The following PNLIP variants were observed in gnomAD, a reference collection of about 807,000 sequenced individuals.
PNLIP encodes pancreatic triacylglycerol lipase.
PNLIP carries 49 observed loss-of-function variants against 57.1 expected under a neutral mutation model. The ratio of observed to expected loss-of-function variants is 0.86; its 90% CI spans 0.68 to 1.09. The LOEUF is 1.09. Among genes scored for constraint, PNLIP ranks in the 50% least tolerant of loss-of-function variants. PNLIP has a pLI of 0.00. For missense variants in PNLIP, 503 were observed against 570.2 expected, an observed-to-expected ratio of 0.88 and a Z score of 1.20; for synonymous variants, 209 against 200.4, an observed-to-expected ratio of 1.04 and a Z score of -0.36.
chr10:116,560,549 G>GC (rs754259158), intron 11 of PNLIP, 25 bp downstream of exon 11: 2 of 766,196 alleles, frequency 2.6e-6, no homozygotes, highest in Non-Finnish European at 4.0e-6. Context: ...ATTGCTCTAT[G>GC]CTTTTTTTTT....
chr10:116,551,290 C>CAAAAAAAAA (rs5788172), intron 5 of PNLIP, 58 bp downstream of exon 5: 1 of 516,752 alleles, frequency 1.9e-6, no homozygotes, highest in African/African-American at 2.6e-5. Context: ...ATTATCTTTC[C>CAAAAAAAAA]AAAAAAAAAA....
intron 4 of PNLIP, among the ~76,000 whole-genome samples, chr10:116,550,013 T>C (rs1203614879): frequency 6.6e-6 from 1 of 151,902 alleles, no homozygotes; most frequent in East Asian, 1.9e-4. Context: ...AATGGAAAAG[T>C]TGCAGATGAT....
intron 10 of PNLIP, among the ~76,000 whole-genome samples, chr10:116,560,145 GT>G (rs992106266): frequency 1.6e-4 from 24 of 151,306 alleles, no homozygotes; most frequent in Admixed American, 1.2e-3. Context: ...AAAACTAAAT[GT>G]ATTCCTTAGT....
At chr10:116,555,849 A>T (rs544780587) in intron 8 of PNLIP, 151 bp from the exon 9 acceptor site, 2 of 633,198 alleles carry the variant, frequency 3.2e-6, no homozygotes, top group Non-Finnish European at 5.6e-6. Flanking sequence ...TACATCACAA[A>T]TCATAAATAT....
chr10:116,560,312 TATAA>T (rs1847300600), intron 10 of PNLIP, 100 bp from the exon 11 acceptor site: 4 of 602,520 alleles, frequency 6.6e-6, no homozygotes, highest in Admixed American at 5.9e-5. Flanking sequence ...CACACACAAT[TATAA>T]ATAAATTATT....
At chr10:116,554,231 T>A (rs1847226929) in intron 6 of PNLIP, among the ~76,000 whole-genome samples, 1 of 152,156 alleles carries the variant, frequency 6.6e-6, no homozygotes, top group Non-Finnish European at 1.5e-5. Flanking sequence ...ATTTCCCCAT[T>A]GACCGACATT....
chr10:116,560,550 CTTTTTTTTT>C, intron 11 of PNLIP, 26 bp downstream of exon 11: 1 of 504,188 alleles, frequency 2.0e-6, no homozygotes, highest in Non-Finnish European at 3.2e-6. Context: ...TTGCTCTATG[CTTTTTTTTT>C]TTTTTTTTTT....
intron 5 of PNLIP, among the ~76,000 whole-genome samples, chr10:116,552,275 G>C (rs1220705520): frequency 6.6e-6 from 1 of 152,172 alleles, no homozygotes; most frequent in African/African-American, 2.4e-5. Context: ...GCCTCAGGCA[G>C]ATCCTTCAGG....
In PNLIP at chr10:116,556,062, G is replaced by A. The variant is rs771758829; in HGVS notation, c.874G>A (p.Val292Ile). ...CTACAAATATTACACTGATAGCATCGTCAACCCTGATGGCTTTGCTGGATT... is the reference window on the plus strand; with the variant it reads ...CTACAAATATTACACTGATAGCATCATCAACCCTGATGGCTTTGCTGGATT... Reference protein sequence around the residue: ...RSYKYYTDSIVNPDGFAGFPC... With the variant: ...RSYKYYTDSIINPDGFAGFPC... Residue 292 changes from valine to isoleucine, a missense_variant, in exon 9 of 13, where the codon GTC (valine) becomes ATC (isoleucine). Physicochemically the swap from Val to Ile is conservative, Grantham distance 29. Transcript: ENST00000369221. The A allele has an allele frequency of 3.1e-6, 5 of 1,613,790 alleles. No individual in the cohort carries two copies. Among genetic ancestry groups the A allele is most frequent in the East Asian group, 2.2e-5 (1 of 44,868 alleles).
rs565439191 is a variant in PNLIP, at chr10:116,553,732, G to A, written c.465G>A (p.Ala155=). The A allele has an allele frequency of 5.0e-5, 80 of 1,607,012 alleles. No homozygotes were observed. Among genetic ancestry groups the A allele is most frequent in the Non-Finnish European group, 5.1e-5 (60 of 1,173,814 alleles). Residue 155 remains alanine (A), a synonymous_variant, in exon 6 of 13, where the codon GCG becomes GCA. Coordinates refer to ENST00000369221, the MANE Select transcript of PNLIP (RefSeq NM_000936.4). ...VAYFVEFLQS[A]FGYSPSNVHV... is the part of the protein sequence containing the mutation. ...AAAGGTTTTCTTTCCGACAGTCGGC[G>A]TTCGGTTACTCACCTTCCAATGTGC...
chr10:116,555,054 C>G, intron 6 of PNLIP, 124 bp from the exon 7 acceptor site: 1 of 1,074,616 alleles, frequency 9.3e-7, no homozygotes, highest in East Asian at 2.4e-5. Flanking sequence ...AAGTAGATTC[C>G]TCTTCAGCAA....
chr10:116,561,892 G>A (rs148813075), intron 12 of PNLIP, among the ~76,000 whole-genome samples: 233 of 152,342 alleles, frequency 1.5e-3, no homozygotes, highest in African/African-American at 4.6e-3. Flanking sequence ...ATGATTCTAA[G>A]GTGAGAGGAA....
chr10:116,547,253 G>C, intron 2 of PNLIP, 41 bp from the exon 3 acceptor site: 1 of 1,597,754 alleles, frequency 6.3e-7, no homozygotes, highest in Non-Finnish European at 8.6e-7. Context: ...TCATTAAAAA[G>C]AGCATGTTTG....
At chr10:116,547,652 G>A (rs1847143756) in intron 3 of PNLIP, among the ~76,000 whole-genome samples, 1 of 150,818 alleles carries the variant, frequency 6.6e-6, no homozygotes, top group African/African-American at 2.4e-5. Context: ...CGTGAACCCG[G>A]GAGGCAGAGC....
intron 12 of PNLIP, among the ~76,000 whole-genome samples, chr10:116,567,330 A>G (rs1282153494): frequency 6.6e-6 from 1 of 152,042 alleles, no homozygotes; most frequent in East Asian, 1.9e-4. Context: ...TTGTCATTTC[A>G]GTTCAAATAT....
At chr10:116,558,442 C>T (rs1847278059) in intron 9 of PNLIP, among the ~76,000 whole-genome samples, 1 of 151,854 alleles carries the variant, frequency 6.6e-6, no homozygotes, top group Non-Finnish European at 1.5e-5. Flanking sequence ...GATCCTCCAG[C>T]CTTGGCCTCC....
chr10:116,555,928 T>G (rs964472653), intron 8 of PNLIP, 72 bp from the exon 9 acceptor site: 1 of 901,624 alleles, frequency 1.1e-6, no homozygotes, highest in Non-Finnish European at 1.8e-6. Flanking sequence ...ATTCAACCAC[T>G]ATATTCTGAA....
At chr10:116,559,633 T>G (rs748695364) in intron 10 of PNLIP, among the ~76,000 whole-genome samples, 2 of 152,170 alleles carry the variant, frequency 1.3e-5, no homozygotes, top group African/African-American at 2.4e-5. Context: ...GAGAGAGAGA[T>G]GGCAGAGGTT....
chr10:116,548,634 G>A, intron 4 of PNLIP, 152 bp downstream of exon 4: 1 of 822,898 alleles, frequency 1.2e-6, no homozygotes, highest in Non-Finnish European at 1.9e-6. Context: ...GGGAGGTCAA[G>A]GAGGTGGTGG....
Sources: gnomAD v4.1 joint callset for allele counts (sites outside exome capture counted in the v4.1 genomes callset) on GRCh38, gnomAD v4.1.1 for gene constraint, MANE v1.5 for transcripts, NCBI Gene and HGNC (gene_info 2026-07-23, HGNC 2026-07-21) for gene names.